FBXL20: variants seen among roughly 807,000 people sequenced by gnomAD.
FBXL20 encodes the protein F-box and leucine rich repeat protein 20, also known as F-box/LRR-repeat protein 20.
In FBXL20, 11 loss-of-function variants were observed where a neutral mutation model predicts 64.0. The ratio of observed to expected loss-of-function variants is 0.17; its 90% CI spans 0.11 to 0.28. The LOEUF (loss-of-function observed/expected upper bound fraction) is 0.28. Among genes scored for constraint, FBXL20 ranks in the 10% least tolerant of loss-of-function variants. The pLI is 1.00. For synonymous variants in FBXL20, 184 were observed against 189.0 expected (o/e 0.97, Z 0.22); for missense variants, 303 against 526.2 (o/e 0.58, Z 4.15).
intron 2 of FBXL20, among the ~76,000 whole-genome samples, chr17:39,316,725 C>T (rs756383214): frequency 9.2e-5 from 14 of 152,232 alleles, no homozygotes; most frequent in Non-Finnish European, 1.8e-4. Context: ...GTGGCTCACG[C>T]CTGTAATCCA....
At chr17:39,329,592 A>G (rs1020692778) in intron 2 of FBXL20, among the ~76,000 whole-genome samples, 2 of 152,148 alleles carry the variant, frequency 1.3e-5, no homozygotes, top group African/African-American at 4.8e-5. Flanking sequence ...CTATCTATCT[A>G]TCTTAGATAT....
chr17:39,301,206 T>TA lies in FBXL20; in HGVS notation c.160-132dup, dbSNP rs2144448185. Reference sequence around the variant, plus strand: ...AAAAATTTATCAGGCCCTATCCACTTACTCCCAAATGATGTGTCTTACTCC... The same window carrying TA: ...AAAAATTTATCAGGCCCTATCCACTTAACTCCCAAATGATGTGTCTTACTCC... On this transcript the variant is annotated intron_variant, in intron 3 of 14. Coordinates refer to ENST00000264658, the MANE Select transcript of FBXL20 (RefSeq NM_032875.3). The TA allele has an allele frequency of 8.6e-6, 6 of 699,212 alleles. No homozygotes were observed. In the South Asian group the frequency reaches 1.0e-4, roughly 12 times the overall value. 43.3% of individuals were successfully genotyped at this position (699,212 alleles called of 1,614,324 possible).
At chr17:39,385,929 C>G (rs534819886) in intron 1 of FBXL20, among the ~76,000 whole-genome samples, 8 of 149,282 alleles carry the variant, frequency 5.4e-5, no homozygotes, top group African/African-American at 2.0e-4. Flanking sequence ...ACTCAGGAGG[C>G]TGAGGCAGGA....
chr17:39,381,166 A>C (rs1308797077), intron 1 of FBXL20, among the ~76,000 whole-genome samples: 1 of 151,630 alleles, frequency 6.6e-6, no homozygotes, highest in Non-Finnish European at 1.5e-5. Flanking sequence ...GTCTCAAAAA[A>C]AAAAAAAGTT....
chr17:39,317,928 C>A lies in FBXL20; in HGVS notation c.105-14289G>T, dbSNP rs1214358894. On this transcript the variant is annotated intron_variant, in intron 2 of 14. Transcript: ENST00000264658. ...GTGTTAGCCGGGATGGTCTCGATCT[C>A]CTGACCTAGTGATCCGCCCTCCTCG... Among the ~76,000 whole-genome samples the A allele has an allele frequency of 2.6e-5, 4 of 151,742 alleles. No homozygotes were observed. The South Asian group carries it at 8.3e-4, about 32-fold the overall frequency.
At chr17:39,337,035 A>G (rs1417270612) in intron 2 of FBXL20, among the ~76,000 whole-genome samples, 2 of 150,636 alleles carry the variant, frequency 1.3e-5, no homozygotes, top group Non-Finnish European at 2.9e-5. Context: ...TCTGATGCTG[A>G]GCCGAAGCTG....
At chr17:39,281,620 T>C (rs2046951303) in intron 8 of FBXL20, among the ~76,000 whole-genome samples, 157 bp from the exon 9 acceptor site, 1 of 152,212 alleles carries the variant, frequency 6.6e-6, no homozygotes, top group South Asian at 2.1e-4. Flanking sequence ...TATAACAGTA[T>C]AATTCTTATT....
chr17:39,282,821 A>C lies in FBXL20; in HGVS notation c.529T>G (p.Ser177Ala), dbSNP rs2046959595. ...GCPLLEQLNISWCDQVTKDGI... is the reference protein window; with the variant it reads ...GCPLLEQLNIAWCDQVTKDGI... ...TCCTTGGTTACTTGGTCACACCAGG[A>C]AATGTTCAACTGCTCCAACAGTGGA... The change falls in exon 8 of 15, where the codon TCC (serine) becomes GCC (alanine). Residue 177 changes from serine to alanine, a missense_variant. Physicochemically the swap from Ser to Ala is moderately conservative, Grantham distance 99. This residue lies in a region of FBXL20 where 246 missense variants were observed against 422.6 expected (regional missense o/e 0.58). Transcript: ENST00000264658. 6.2e-7 allele frequency: 1 copy of C among 1,614,170 alleles called. No homozygotes were observed. The highest frequency in any genetic ancestry group is 1.3e-5 in the African/African-American group (1 of 75,054).
At chr17:39,346,448 G>A (rs2047633523) in intron 1 of FBXL20, among the ~76,000 whole-genome samples, 1 of 152,140 alleles carries the variant, frequency 6.6e-6, no homozygotes, top group Non-Finnish European at 1.5e-5. Flanking sequence ...CCACCACAGG[G>A]AAGAGAATCC....
chr17:39,398,734 G>A (rs764064550), intron 1 of FBXL20, among the ~76,000 whole-genome samples: 38 of 152,028 alleles, frequency 2.5e-4, no homozygotes, highest in Non-Finnish European at 4.4e-4. Context: ...GAGTAAAATG[G>A]CACAATCTCG....
chr17:39,374,116 T>A (rs1442271668), intron 1 of FBXL20, among the ~76,000 whole-genome samples: 2 of 121,350 alleles, frequency 1.6e-5, no homozygotes, highest in Non-Finnish European at 3.5e-5. Context: ...TCCCAGCTAC[T>A]CAGGAGGCTA....
chr17:39,357,042 A>C (rs1253175427), intron 1 of FBXL20, among the ~76,000 whole-genome samples: 1 of 151,172 alleles, frequency 6.6e-6, no homozygotes, highest in Non-Finnish European at 1.5e-5. Context: ...TGGGAGGCCA[A>C]GGCGGGTGGA....
intron 1 of FBXL20, among the ~76,000 whole-genome samples, chr17:39,357,732 G>A (rs2047756156): frequency 6.6e-6 from 1 of 152,094 alleles, no homozygotes; most frequent in Non-Finnish European, 1.5e-5. Flanking sequence ...ATTCAGTCAA[G>A]ATAATAAAAG....
chr17:39,286,998 C>T (rs574334987), intron 6 of FBXL20, among the ~76,000 whole-genome samples: 13 of 149,604 alleles, frequency 8.7e-5, no homozygotes, highest in Non-Finnish European at 1.8e-4. Flanking sequence ...ATGCAACCTC[C>T]GCCTCCTGGG....
At chr17:39,367,545 G>A (rs968842864) in intron 1 of FBXL20, among the ~76,000 whole-genome samples, 2 of 151,600 alleles carry the variant, frequency 1.3e-5, no homozygotes, top group Non-Finnish European at 2.9e-5. Flanking sequence ...TCAAACTCCT[G>A]GCCTCAAGTG....
intron 2 of FBXL20, among the ~76,000 whole-genome samples, chr17:39,319,415 G>C (rs1030760340): frequency 6.6e-6 from 1 of 152,096 alleles, no homozygotes; most frequent in Non-Finnish European, 1.5e-5. Flanking sequence ...GGCTGGGCAC[G>C]GTGGCTCACG....
intron 1 of FBXL20, among the ~76,000 whole-genome samples, chr17:39,352,850 G>C (rs2047700716): frequency 6.6e-6 from 1 of 152,110 alleles, no homozygotes; most frequent in Non-Finnish European, 1.5e-5. Context: ...TTCTTAGCTA[G>C]CACCTGGCTG....
chr17:39,323,929 C>T (rs1379268749), intron 2 of FBXL20, among the ~76,000 whole-genome samples: 2 of 149,914 alleles, frequency 1.3e-5, no homozygotes, highest in Admixed American at 1.3e-4. Context: ...CCACGCCTGG[C>T]TATTTTTTGT....
chr17:39,261,592 C>T (rs980302393), intron 14 of FBXL20, 25 bp from the exon 15 acceptor site: 22 of 1,542,962 alleles, frequency 1.4e-5, no homozygotes, highest in African/African-American at 4.1e-5. Context: ...AAACATTAAA[C>T]GTTTAAGAGA....
Sources: allele counts gnomAD v4.1 joint callset (sites outside exome capture counted in the v4.1 genomes callset), GRCh38; gene constraint gnomAD v4.1.1; regional missense constraint gnomAD v4.1.1; transcripts MANE v1.5; gene names NCBI Gene and HGNC (gene_info 2026-07-23, HGNC 2026-07-21).